Variants in ASIC2 observed in about 807,000 individuals in gnomAD.
ASIC2 encodes the protein acid sensing ion channel subunit 2.
In ASIC2, 25 loss-of-function variants were observed where a neutral mutation model predicts 57.3. The observed-to-expected ratio is 0.44, with a 90% CI of 0.32 to 0.61. ASIC2 has a LOEUF of 0.61. ASIC2 is among the 20% of genes least tolerant of loss of function. The pLI is 0.06. For missense variants in ASIC2, 641 were observed against 738.1 expected, an observed-to-expected ratio of 0.87 and a Z score of 1.52; for synonymous variants, 319 against 307.5, an observed-to-expected ratio of 1.04 and a Z score of -0.39.
intron 2 of ASIC2, among the ~76,000 whole-genome samples, chr17:33,101,164 G>A (rs2092210700): frequency 6.6e-6 from 1 of 152,128 alleles, no homozygotes; most frequent in Non-Finnish European, 1.5e-5. Flanking sequence ...CTTAGGACCT[G>A]GCACCATGAC....
intron 1 of ASIC2, among the ~76,000 whole-genome samples, chr17:33,468,111 A>G (rs1446574039): frequency 6.6e-6 from 1 of 152,196 alleles, no homozygotes; most frequent in Non-Finnish European, 1.5e-5. Context: ...AAGACTGAAG[A>G]CTCAAAGATA....
chr17:33,518,970 G>C (rs1013034464), intron 1 of ASIC2, among the ~76,000 whole-genome samples: 2 of 151,936 alleles, frequency 1.3e-5, no homozygotes, highest in Admixed American at 6.6e-5. Flanking sequence ...ACAGGCGCCC[G>C]CCACTGCGTC....
intron 1 of ASIC2, among the ~76,000 whole-genome samples, chr17:33,389,247 C>A (rs1436678348): frequency 6.6e-6 from 1 of 152,150 alleles, no homozygotes; most frequent in Non-Finnish European, 1.5e-5. Flanking sequence ...AGGCACGAGC[C>A]ACCGTGCCTG....
intron 1 of ASIC2, among the ~76,000 whole-genome samples, chr17:34,050,591 C>G (rs1908520651): frequency 6.6e-6 from 1 of 152,164 alleles, no homozygotes; most frequent in African/African-American, 2.4e-5. Context: ...AAACTGATAT[C>G]TATTTTTAGT....
In ASIC2 at chr17:33,194,640, G is replaced by T. The variant is rs903270701; in HGVS notation, c.709-82573C>A. ...ACAACCTGAAGCCATTACATTTCCA[G>T]ATTGGGATATCAATCTGTTATTCCC... is the stretch of plus-strand genomic sequence containing the variant. On this transcript the variant is annotated intron_variant, in intron 1 of 9. Coordinates refer to ENST00000225823, the MANE Select transcript of ASIC2 (RefSeq NM_183377.2). Among the ~76,000 whole-genome samples, 31 of 151,756 alleles carry T rather than the reference G, an allele frequency of 2.0e-4. 1 individual carries two copies. Among genetic ancestry groups the T allele is most frequent in the Admixed American group, 1.9e-3 (29 of 15,232 alleles).
chr17:33,863,446 C>A (rs1326010021), intron 1 of ASIC2, among the ~76,000 whole-genome samples: 1 of 152,162 alleles, frequency 6.6e-6, no homozygotes, highest in Admixed American at 6.5e-5. Flanking sequence ...GAGCACTGGA[C>A]AGAAAAGCTA....
intron 1 of ASIC2, among the ~76,000 whole-genome samples, chr17:33,312,307 G>T (rs1272882080): frequency 6.6e-6 from 1 of 152,200 alleles, no homozygotes; most frequent in Non-Finnish European, 1.5e-5. Context: ...GACTTTTAGT[G>T]GGGTGACACA....
chr17:34,022,852 A>G (rs954321647), intron 1 of ASIC2, among the ~76,000 whole-genome samples: 3 of 152,132 alleles, frequency 2.0e-5, no homozygotes, highest in African/African-American at 7.2e-5. Context: ...CTCATGTCAA[A>G]TTGTAATCCC....
chr17:33,209,441 A>G (rs944900253), intron 1 of ASIC2, among the ~76,000 whole-genome samples: 1 of 152,208 alleles, frequency 6.6e-6, no homozygotes, highest in Admixed American at 6.5e-5. Context: ...TCTCAGCACT[A>G]TTGACATTTA....
At chr17:33,508,790 C>T (rs12945313) in intron 1 of ASIC2, among the ~76,000 whole-genome samples, 56,533 of 152,044 alleles carry the variant, frequency 0.37, 12,475 homozygotes, top group Non-Finnish European at 0.48. Flanking sequence ...TGCAAACCTC[C>T]TATGATGCAG....
At chr17:34,006,141 T>A (rs1445678672) in intron 1 of ASIC2, 1 of 152,246 alleles carries the variant, frequency 6.6e-6, no homozygotes, top group Non-Finnish European at 1.5e-5. Flanking sequence ...AAAGACTAAT[T>A]GCTAGAAGGG....
intron 1 of ASIC2, among the ~76,000 whole-genome samples, chr17:34,074,812 G>A (rs977350758): frequency 1.6e-4 from 21 of 129,682 alleles, no homozygotes; most frequent in African/African-American, 6.4e-4. Flanking sequence ...TTGAGACAGA[G>A]TCTCCCTCAG....
chr17:33,875,522 T>C (rs1173062186), intron 1 of ASIC2, among the ~76,000 whole-genome samples: 2 of 152,142 alleles, frequency 1.3e-5, no homozygotes, highest in South Asian at 2.1e-4. Context: ...TCCTCGGTCA[T>C]ATATGGGATT....
At chr17:33,348,063 C>T (rs1908023802) in intron 1 of ASIC2, among the ~76,000 whole-genome samples, 1 of 152,190 alleles carries the variant, frequency 6.6e-6, no homozygotes, top group Non-Finnish European at 1.5e-5. Context: ...GATGGCACTG[C>T]TGCACTCCAG....
chr17:33,674,360 C>T (rs1283811066), intron 1 of ASIC2, among the ~76,000 whole-genome samples: 1 of 152,168 alleles, frequency 6.6e-6, no homozygotes, highest in Non-Finnish European at 1.5e-5. Flanking sequence ...TGAAACTCAC[C>T]CTCATTCATT....
At chr17:33,406,027 GA>G (rs1180412544) in intron 1 of ASIC2, among the ~76,000 whole-genome samples, 1 of 88,692 alleles carries the variant, frequency 1.1e-5, no homozygotes, top group Non-Finnish European at 2.3e-5. Context: ...CTCTTTCCAT[GA>G]AAAAAAACCT....
intron 1 of ASIC2, among the ~76,000 whole-genome samples, chr17:33,643,147 TC>T (rs71144893): frequency 0.74 from 110,752 of 149,968 alleles, 41,383 homozygotes; most frequent in African/African-American, 0.86. Context: ...CATGCTCATT[TC>T]CCCCCCCCCA....
At chr17:33,900,311 T>C (rs1915204104) in intron 1 of ASIC2, among the ~76,000 whole-genome samples, 1 of 152,150 alleles carries the variant, frequency 6.6e-6, no homozygotes, top group Non-Finnish European at 1.5e-5. Context: ...GAGGGAAAGT[T>C]ATTAGTGGTT....
intron 1 of ASIC2, chr17:34,037,937 C>T: frequency 1.2e-6 from 2 of 1,613,784 alleles, no homozygotes; most frequent in Non-Finnish European, 1.7e-6. Context: ...GAAGATCACA[C>T]CCACCGACCA....
Sources: gnomAD v4.1 joint callset for allele counts (sites outside exome capture counted in the v4.1 genomes callset) on GRCh38, gnomAD v4.1.1 for gene constraint, MANE v1.5 for transcripts, NCBI Gene and HGNC (gene_info 2026-07-23, HGNC 2026-07-21) for gene names.